CLIC4: variants seen among roughly 807,000 people sequenced by gnomAD.
CLIC4 encodes the protein CLIC family member 4, also known as chloride intracellular channel protein 4.
CLIC4 carries 13 observed loss-of-function variants against 24.6 expected under a neutral mutation model. That is an observed-to-expected ratio of 0.53 (90% CI 0.34 to 0.84). The LOEUF is 0.84. Among genes scored for constraint, CLIC4 ranks in the 40% least tolerant of loss-of-function variants. The pLI, the probability that CLIC4 is intolerant of heterozygous loss-of-function variation, is 0.01. For missense variants in CLIC4, 227 were observed against 301.7 expected (o/e 0.75, Z 1.83); for synonymous variants, 104 against 111.3 (o/e 0.93, Z 0.41).
chr1:24,813,668 C>A (rs1639639610), intron 2 of CLIC4, among the ~76,000 whole-genome samples: 1 of 151,966 alleles, frequency 6.6e-6, no homozygotes, highest in Non-Finnish European at 1.5e-5. Context: ...ATCCACCCGC[C>A]TCGGCCTCCC....
intron 2 of CLIC4, among the ~76,000 whole-genome samples, chr1:24,813,217 T>C (rs1305941838): frequency 4.6e-5 from 7 of 151,774 alleles, no homozygotes; most frequent in African/African-American, 1.7e-4. Flanking sequence ...TTAACTTTTG[T>C]ATTTTTAGTA....
chr1:24,799,633 G>A (rs1331063366), intron 2 of CLIC4, among the ~76,000 whole-genome samples: 1 of 138,338 alleles, frequency 7.2e-6, no homozygotes, highest in Non-Finnish European at 1.6e-5. Context: ...CAGCCGCCCC[G>A]TCGGGGAGGG....
At position 24,840,902 on chromosome 1, in the gene CLIC4, G is replaced by A; in HGVS notation, c.727G>A (p.Ala243Thr). Residue 243 changes from alanine (A) to threonine (T), a missense_variant, in exon 6 of 6, where the codon GCA becomes ACA. Coordinates refer to ENST00000374379, the MANE Select transcript of CLIC4 (RefSeq NM_013943.3). ...TCPSDKEVEI[A>T]YSDVAKRLTK ...TCCCAGTGATAAGGAGGTTGAAATA[G>A]CATATAGTGATGTAGCCAAAAGACT... 1 of 1,606,928 alleles carries A rather than the reference G, an allele frequency of 6.2e-7. No homozygotes were observed. The highest frequency in any genetic ancestry group is 8.5e-7 in the Non-Finnish European group (1 of 1,176,936).
At chr1:24,765,931 C>T (rs1638989788) in intron 1 of CLIC4, among the ~76,000 whole-genome samples, 1 of 151,800 alleles carries the variant, frequency 6.6e-6, no homozygotes, top group Admixed American at 6.6e-5. Flanking sequence ...CCTGCCTCAG[C>T]CTCCCAACTA....
intron 2 of CLIC4, among the ~76,000 whole-genome samples, chr1:24,808,303 A>C (rs564466056): frequency 2.6e-5 from 4 of 152,322 alleles, no homozygotes; most frequent in African/African-American, 9.6e-5. Flanking sequence ...GTGGATACCA[A>C]AATCCACAGA....
intron 1 of CLIC4, among the ~76,000 whole-genome samples, chr1:24,754,265 A>G (rs765053246): frequency 1.1e-4 from 16 of 152,222 alleles, no homozygotes; most frequent in Non-Finnish European, 1.9e-4. Flanking sequence ...TTAACAGAGT[A>G]TGAATAATGA....
rs1639380686 is a variant in CLIC4 at position 24,794,810 on chromosome 1, G to A, written c.73-2932G>A. Among the ~76,000 whole-genome samples the A allele has an allele frequency of 2.6e-5, 4 of 152,112 alleles. No homozygotes were observed. The South Asian group carries it at 6.2e-4, about 24-fold the overall frequency. ...GGCACTGACTAGGTTGTCTTCCAGG[G>A]TTTTTATAGTTTTGGGTTTTACATT... On this transcript the variant is annotated intron_variant, in intron 1 of 5. Coordinates refer to ENST00000374379, the MANE Select transcript of CLIC4 (RefSeq NM_013943.3).
At chr1:24,828,938 G>A (rs1338276339) in intron 4 of CLIC4, among the ~76,000 whole-genome samples, 3 of 151,994 alleles carry the variant, frequency 2.0e-5, no homozygotes, top group South Asian at 2.1e-4. Flanking sequence ...CTCTCCACAG[G>A]GACCTGTTGA....
chr1:24,841,304 A>G lies in CLIC4; in HGVS notation c.*367A>G, dbSNP rs930686678. ...GAGGTGCAATGTTTAATTGTTAAAAATAGTAGCCACGACTTTATCAGGCAG... is the reference window on the plus strand; with the variant it reads ...GAGGTGCAATGTTTAATTGTTAAAAGTAGTAGCCACGACTTTATCAGGCAG... On this transcript the variant is annotated 3_prime_UTR_variant, in exon 6 of 6. Coordinates refer to ENST00000374379, the MANE Select transcript of CLIC4 (RefSeq NM_013943.3). 6.2e-6 allele frequency: 1 copy of G among 161,862 alleles called. No individual in the cohort carries two copies. The highest frequency in any genetic ancestry group is 1.3e-5 in the Non-Finnish European group (1 of 74,480). 10.0% of individuals were successfully genotyped at this position (161,862 alleles called of 1,614,324 possible).
rs1210427463 is a variant in CLIC4, at chr1:24,843,864, T to A, written c.*2927T>A. Reference sequence around the variant, plus strand: ...CCCTTAAACCCATTTAGAAAATAACTACAAAGTAAAAATGTAGAGGAAATA... The same window carrying A: ...CCCTTAAACCCATTTAGAAAATAACAACAAAGTAAAAATGTAGAGGAAATA... On this transcript the variant is annotated 3_prime_UTR_variant, in exon 6 of 6. Coordinates refer to ENST00000374379, the MANE Select transcript of CLIC4 (RefSeq NM_013943.3). 6.6e-6 allele frequency: 1 copy of A among 152,630 alleles called. No homozygotes were observed. Among genetic ancestry groups the A allele is most frequent in the African/African-American group, 2.4e-5 (1 of 41,468 alleles). 9.5% of individuals were successfully genotyped at this position (152,630 alleles called of 1,614,324 possible).
chr1:24,826,412 G>C (rs983522224), intron 3 of CLIC4, among the ~76,000 whole-genome samples: 10 of 152,178 alleles, frequency 6.6e-5, no homozygotes, highest in Admixed American at 6.5e-4. Flanking sequence ...TTTTCCTGCC[G>C]TTGGGGTTCT....
At chr1:24,775,399 C>T (rs1235326329) in intron 1 of CLIC4, among the ~76,000 whole-genome samples, 1 of 151,458 alleles carries the variant, frequency 6.6e-6, no homozygotes, top group African/African-American at 2.4e-5. Context: ...TTGTCTCCTT[C>T]TGGAACTCTA....
intron 1 of CLIC4, among the ~76,000 whole-genome samples, chr1:24,760,611 C>T (rs1251587009): frequency 1.3e-5 from 2 of 151,880 alleles, no homozygotes; most frequent in African/African-American, 4.8e-5. Flanking sequence ...TTGGCTTTTC[C>T]ACCCTCTCCC....
chr1:24,758,663 C>T (rs566918728), intron 1 of CLIC4, among the ~76,000 whole-genome samples: 54 of 152,014 alleles, frequency 3.6e-4, no homozygotes, highest in Admixed American at 1.1e-3. Flanking sequence ...CGCCGTTGTT[C>T]GCCAGGCTGA....
intron 1 of CLIC4, among the ~76,000 whole-genome samples, chr1:24,747,534 A>AG (rs1638716232): frequency 5.6e-4 from 1 of 1,790 alleles, no homozygotes; most frequent in South Asian, 0.17. Context: ...ACTCCATCTC[A>AG]AAAAAAAAAA....
intron 1 of CLIC4, among the ~76,000 whole-genome samples, chr1:24,775,838 T>G (rs1293317826): frequency 6.6e-6 from 1 of 151,860 alleles, no homozygotes; most frequent in Non-Finnish European, 1.5e-5. Flanking sequence ...TTTTTTTTTT[T>G]TTTCTTGAGA....
intron 1 of CLIC4, among the ~76,000 whole-genome samples, chr1:24,789,707 A>G (rs549786085): frequency 6.6e-6 from 1 of 152,066 alleles, no homozygotes; most frequent in Non-Finnish European, 1.5e-5. Context: ...TTTCAGTTCT[A>G]AAATTTCCAT....
chr1:24,780,123 G>A (rs183003876), intron 1 of CLIC4, among the ~76,000 whole-genome samples: 5 of 152,158 alleles, frequency 3.3e-5, no homozygotes, highest in Admixed American at 3.3e-4. Context: ...ACCACATGCT[G>A]GACAATATTT....
chr1:24,782,305 G>A (rs2124114131), intron 1 of CLIC4, among the ~76,000 whole-genome samples: 1 of 152,258 alleles, frequency 6.6e-6, no homozygotes, highest in Non-Finnish European at 1.5e-5. Flanking sequence ...TTTTTTATTT[G>A]TAGTAAGGTC....
Sources: gnomAD v4.1 joint callset for allele counts (sites outside exome capture counted in the v4.1 genomes callset) on GRCh38, gnomAD v4.1.1 for gene constraint, MANE v1.5 for transcripts, NCBI Gene and HGNC (gene_info 2026-07-23, HGNC 2026-07-21) for gene names.